Variants in NRXN1 observed in about 807,000 individuals in gnomAD.
NRXN1 encodes the protein neurexin 1.
In NRXN1, 39 loss-of-function variants were observed where a neutral mutation model predicts 150.9. The observed-to-expected ratio is 0.26, with a 90% CI of 0.20 to 0.34. NRXN1 has a LOEUF of 0.34. Among genes scored for constraint, NRXN1 ranks in the 10% least tolerant of loss-of-function variants. The probability of loss-of-function intolerance (pLI) is 1.00; values close to 1 mark genes in which losing one functional copy is unlikely to be tolerated. For missense variants in NRXN1, 1,815 were observed against 1,949.9 expected, an observed-to-expected ratio of 0.93 and a Z score of 1.30; for synonymous variants, 924 against 757.0, an observed-to-expected ratio of 1.22 and a Z score of -3.62.
At chr2:50,527,867 T>C (rs2092998753) in intron 12 of NRXN1, among the ~76,000 whole-genome samples, 1 of 152,192 alleles carries the variant, frequency 6.6e-6, no homozygotes, top group African/African-American at 2.4e-5. Context: ...GTTGTGATCA[T>C]TGGAGATTTC....
At chr2:50,802,076 A>G (rs1707672145) in intron 5 of NRXN1, among the ~76,000 whole-genome samples, 1 of 152,216 alleles carries the variant, frequency 6.6e-6, no homozygotes, top group African/African-American at 2.4e-5. Flanking sequence ...AAAGAAAATA[A>G]TATATGATAA....
At chr2:50,858,736 AT>A (rs1675636925) in intron 5 of NRXN1, among the ~76,000 whole-genome samples, 1 of 152,152 alleles carries the variant, frequency 6.6e-6, no homozygotes, top group African/African-American at 2.4e-5. Context: ...TAAATGAAAA[AT>A]CAGGAGGGTT....
chr2:50,085,343 T>C (rs1243508854), intron 19 of NRXN1, among the ~76,000 whole-genome samples: 2 of 152,196 alleles, frequency 1.3e-5, no homozygotes, highest in South Asian at 2.1e-4. Context: ...AAATTGGTTA[T>C]TTAAACAATA....
chr2:50,993,913 T>C (rs1478791600), intron 2 of NRXN1, among the ~76,000 whole-genome samples: 6 of 152,026 alleles, frequency 3.9e-5, no homozygotes, highest in African/African-American at 1.2e-4. Flanking sequence ...AACCGGCATG[T>C]ATTTTAACCT....
intron 5 of NRXN1, among the ~76,000 whole-genome samples, chr2:50,779,206 G>C (rs1704031526): frequency 6.6e-6 from 1 of 152,066 alleles, no homozygotes; most frequent in Non-Finnish European, 1.5e-5. Context: ...TCTAGTGTGT[G>C]ATGTTCCCCT....
At chr2:50,713,713 A>G (rs1013955044) in intron 5 of NRXN1, among the ~76,000 whole-genome samples, 3 of 152,162 alleles carry the variant, frequency 2.0e-5, no homozygotes, top group Non-Finnish European at 1.5e-5. Flanking sequence ...AAATTATTAC[A>G]TCATTAATTA....
At chr2:50,699,999 C>T (rs1295044652) in intron 5 of NRXN1, among the ~76,000 whole-genome samples, 1 of 152,084 alleles carries the variant, frequency 6.6e-6, no homozygotes, top group African/African-American at 2.4e-5. Flanking sequence ...ACAAATTATG[C>T]ACACAGTAGG....
intron 5 of NRXN1, among the ~76,000 whole-genome samples, chr2:50,878,214 T>A (rs1678898834): frequency 6.6e-6 from 1 of 151,978 alleles, no homozygotes; most frequent in African/African-American, 2.4e-5. Context: ...CATTCTAAAT[T>A]CTACATTACC....
At chr2:50,675,983 C>T (rs1689484112) in intron 5 of NRXN1, among the ~76,000 whole-genome samples, 1 of 152,072 alleles carries the variant, frequency 6.6e-6, no homozygotes, top group Admixed American at 6.6e-5. Context: ...AGTCCTGTTG[C>T]AATTTGACTC....
At chr2:50,597,141 G>A (rs1401048952) in intron 8 of NRXN1, among the ~76,000 whole-genome samples, 1 of 152,048 alleles carries the variant, frequency 6.6e-6, no homozygotes, top group Non-Finnish European at 1.5e-5. Context: ...CACCGTGCCC[G>A]GTGGGACATG....
chr2:50,555,141 A>G (rs933367479), intron 8 of NRXN1, among the ~76,000 whole-genome samples: 2 of 152,156 alleles, frequency 1.3e-5, no homozygotes, highest in Non-Finnish European at 2.9e-5. Flanking sequence ...CTATTGATTT[A>G]TATTCCAGCA....
chr2:50,353,770 G>C (rs2078593101), intron 17 of NRXN1, among the ~76,000 whole-genome samples: 1 of 152,064 alleles, frequency 6.6e-6, no homozygotes, highest in African/African-American at 2.4e-5. Flanking sequence ...TCAGTCTATA[G>C]TCAAGCTCAG....
intron 5 of NRXN1, among the ~76,000 whole-genome samples, chr2:50,630,451 A>C (rs147743244): frequency 4.6e-5 from 7 of 151,814 alleles, no homozygotes; most frequent in African/African-American, 1.7e-4. Context: ...ATATAATCTC[A>C]TTAATTTGAC....
intron 5 of NRXN1, among the ~76,000 whole-genome samples, chr2:50,652,455 T>C (rs1170100813): frequency 6.6e-6 from 1 of 152,066 alleles, no homozygotes; most frequent in Non-Finnish European, 1.5e-5. Flanking sequence ...GTTTGCCTTT[T>C]TTGGACAATT....
At chr2:50,688,559 G>T (rs559363918) in intron 5 of NRXN1, among the ~76,000 whole-genome samples, 1 of 152,172 alleles carries the variant, frequency 6.6e-6, no homozygotes, top group Non-Finnish European at 1.5e-5. Context: ...TGTAGCCACA[G>T]AATCCAGTTA....
chr2:50,948,103 T>C (rs1337376091), intron 2 of NRXN1, among the ~76,000 whole-genome samples: 1 of 151,942 alleles, frequency 6.6e-6, no homozygotes. Flanking sequence ...ACAACGCATA[T>C]GGCACAGACA....
intron 5 of NRXN1, among the ~76,000 whole-genome samples, chr2:50,785,136 A>AGTGAGAAG (rs1316879148): frequency 6.6e-6 from 1 of 152,056 alleles, no homozygotes; most frequent in Non-Finnish European, 1.5e-5. Context: ...GTGAGGACAC[A>AGTGAGAAG]GTGAGAAGGT....
chr2:50,771,188 C>T (rs1702970094), intron 5 of NRXN1, among the ~76,000 whole-genome samples: 1 of 152,012 alleles, frequency 6.6e-6, no homozygotes, highest in South Asian at 2.1e-4. Flanking sequence ...GGAGAAACAA[C>T]TAATGTCAGA....
intron 10 of NRXN1, among the ~76,000 whole-genome samples, chr2:50,532,481 A>G (rs2105216916): frequency 6.6e-6 from 1 of 152,310 alleles, no homozygotes; most frequent in East Asian, 1.9e-4. Flanking sequence ...TTGAGCCATT[A>G]TGTTTAGCAA....
Sources: gnomAD v4.1 joint callset for allele counts (sites outside exome capture counted in the v4.1 genomes callset) on GRCh38, gnomAD v4.1.1 for gene constraint, MANE v1.5 for transcripts, NCBI Gene and HGNC (gene_info 2026-07-23, HGNC 2026-07-21) for gene names.